SPOCK1: variants seen among roughly 807,000 people sequenced by gnomAD.
SPOCK1 encodes testican-1.
A neutral mutation model predicts 55.3 loss-of-function variants in SPOCK1; 23 were observed. The observed-to-expected ratio is 0.42, with a 90% CI of 0.30 to 0.59. SPOCK1 has a LOEUF of 0.59. Ranked by LOEUF, SPOCK1 falls within the 20% of genes least tolerant of loss-of-function variation. The pLI is 0.22. For missense variants in SPOCK1, 499 were observed against 552.5 expected, an observed-to-expected ratio of 0.90 and a Z score of 0.97; for synonymous variants, 226 against 221.0, an observed-to-expected ratio of 1.02 and a Z score of -0.20.
chr5:137,198,996 T>A (rs1487153675), intron 3 of SPOCK1, among the ~76,000 whole-genome samples: 1 of 152,260 alleles, frequency 6.6e-6, no homozygotes, highest in East Asian at 1.9e-4. Context: ...CTTTATGTGA[T>A]GCTGCCATAA....
At chr5:137,236,171 C>A (rs922870307) in intron 3 of SPOCK1, among the ~76,000 whole-genome samples, 5 of 152,274 alleles carry the variant, frequency 3.3e-5, no homozygotes, top group African/African-American at 1.2e-4. Flanking sequence ...CCATGACTAT[C>A]TGGCCTGTCC....
intron 2 of SPOCK1, among the ~76,000 whole-genome samples, chr5:137,293,404 G>A (rs1757414260): frequency 6.6e-6 from 1 of 152,088 alleles, no homozygotes; most frequent in Non-Finnish European, 1.5e-5. Flanking sequence ...GAGCATTTTA[G>A]GATGGACTAC....
chr5:137,347,100 GC>G (rs1300844840), intron 2 of SPOCK1, among the ~76,000 whole-genome samples: 2 of 152,108 alleles, frequency 1.3e-5, no homozygotes, highest in Non-Finnish European at 2.9e-5. Flanking sequence ...ATCCTGGGTA[GC>G]CCTCCACCCT....
chr5:137,351,259 C>T (rs565880596), intron 2 of SPOCK1, among the ~76,000 whole-genome samples: 3 of 152,346 alleles, frequency 2.0e-5, no homozygotes, highest in South Asian at 4.1e-4. Flanking sequence ...CAGGCACATC[C>T]GCTGACAATG....
chr5:137,366,108 A>G (rs1267976568), intron 2 of SPOCK1, among the ~76,000 whole-genome samples: 1 of 152,194 alleles, frequency 6.6e-6, no homozygotes, highest in Non-Finnish European at 1.5e-5. Context: ...AAGTTCAGTG[A>G]GCAGGAAACA....
chr5:137,270,432 T>C (rs1018858276), intron 2 of SPOCK1, among the ~76,000 whole-genome samples: 2 of 152,240 alleles, frequency 1.3e-5, no homozygotes, highest in Admixed American at 6.5e-5. Flanking sequence ...GCAGTGTTAC[T>C]ACATGTCTAT....
intron 2 of SPOCK1, among the ~76,000 whole-genome samples, chr5:137,449,414 T>G (rs942542841): frequency 2.0e-4 from 30 of 152,240 alleles, no homozygotes; most frequent in African/African-American, 7.0e-4. Flanking sequence ...ACATTAGCTC[T>G]GCTACAACTG....
chr5:137,417,581 T>G (rs546004247), intron 2 of SPOCK1, among the ~76,000 whole-genome samples: 1 of 152,146 alleles, frequency 6.6e-6, no homozygotes, highest in African/African-American at 2.4e-5. Context: ...TCTGTCACAA[T>G]TGATAAATGT....
intron 2 of SPOCK1, among the ~76,000 whole-genome samples, chr5:137,358,425 G>A (rs1406291006): frequency 8.4e-6 from 1 of 119,312 alleles, no homozygotes; most frequent in Admixed American, 1.1e-4. Flanking sequence ...AAGGAAGGAG[G>A]AAAGAAAGAA....
At chr5:137,311,594 CTTCA>C (rs1430215477) in intron 2 of SPOCK1, among the ~76,000 whole-genome samples, 1 of 152,200 alleles carries the variant, frequency 6.6e-6, no homozygotes, top group Non-Finnish European at 1.5e-5. Flanking sequence ...CGCTCTTTTC[CTTCA>C]GTCTAATCTT....
chr5:137,396,255 T>C (rs533959214), intron 2 of SPOCK1, among the ~76,000 whole-genome samples: 23 of 152,274 alleles, frequency 1.5e-4, no homozygotes, highest in African/African-American at 5.3e-4. Context: ...AGAAGTAACA[T>C]AGAAAACACC....
intron 5 of SPOCK1, among the ~76,000 whole-genome samples, chr5:137,070,211 A>G (rs1340359866): frequency 1.3e-5 from 2 of 152,226 alleles, no homozygotes; most frequent in Non-Finnish European, 2.9e-5. Context: ...AGGACCCAGA[A>G]GGCAGAGAAC....
chr5:137,380,206 G>A (rs752266033), intron 2 of SPOCK1, among the ~76,000 whole-genome samples: 5 of 152,212 alleles, frequency 3.3e-5, no homozygotes, highest in Admixed American at 6.5e-5. Flanking sequence ...GAGTAGAGAT[G>A]GTGGCGGCCG....
At chr5:137,320,676 A>AT (rs1325348571) in intron 2 of SPOCK1, among the ~76,000 whole-genome samples, 1 of 152,234 alleles carries the variant, frequency 6.6e-6, no homozygotes, top group East Asian at 1.9e-4. Context: ...AAATCTCTCT[A>AT]AATGGGAAAT....
chr5:137,025,184 C>T (rs1751650062), intron 6 of SPOCK1, among the ~76,000 whole-genome samples: 1 of 152,098 alleles, frequency 6.6e-6, no homozygotes, highest in African/African-American at 2.4e-5. Context: ...ATCCATTGTA[C>T]AACATTGTAA....
At chr5:137,067,679 C>G (rs1752535113) in intron 6 of SPOCK1, 36 bp downstream of exon 6, 1 of 1,587,244 alleles carries the variant, frequency 6.3e-7, no homozygotes, top group Non-Finnish European at 8.6e-7. Context: ...CCCCCCATTC[C>G]TGCCCACGAA....
chr5:137,289,704 C>G (rs1406417644), intron 2 of SPOCK1, among the ~76,000 whole-genome samples: 1 of 151,990 alleles, frequency 6.6e-6, no homozygotes, highest in African/African-American at 2.4e-5. Context: ...AAGCATCTCC[C>G]ACCTCAAAAA....
At chr5:137,162,042 TTTTC>T in intron 3 of SPOCK1, among the ~76,000 whole-genome samples, 1 of 152,282 alleles carries the variant, frequency 6.6e-6, no homozygotes, top group African/African-American at 2.4e-5. Flanking sequence ...AGAAAGTTGT[TTTTC>T]TTTCTTTCTT....
At chr5:137,163,776 A>G (rs577966307) in intron 3 of SPOCK1, among the ~76,000 whole-genome samples, 61 of 152,310 alleles carry the variant, frequency 4.0e-4, no homozygotes, top group African/African-American at 1.3e-3. Flanking sequence ...GCTAAGATCA[A>G]TCACTCAGTA....
Sources: allele counts gnomAD v4.1 joint callset (sites outside exome capture counted in the v4.1 genomes callset), GRCh38; gene constraint gnomAD v4.1.1; transcripts MANE v1.5; gene names NCBI Gene and HGNC (gene_info 2026-07-23, HGNC 2026-07-21).